Variants in PFKFB3 observed in about 807,000 individuals in gnomAD.
PFKFB3 encodes 6-phosphofructo-2-kinase/fructose-2,6-bisphosphatase 3.
PFKFB3 carries 33 observed loss-of-function variants against 68.0 expected under a neutral mutation model. The observed-to-expected ratio is 0.49, with a 90% confidence interval of 0.37 to 0.65. The LOEUF (loss-of-function observed/expected upper bound fraction) is 0.65, where lower values mean the gene tolerates loss of function less well. Ranked by LOEUF, PFKFB3 falls within the 30% of genes least tolerant of loss-of-function variation. The pLI is 0.00. For missense variants in PFKFB3, 586 were observed against 712.2 expected (o/e 0.82, Z 2.02); for synonymous variants, 315 against 288.2 (o/e 1.09, Z -0.94).
intron 1 of PFKFB3, among the ~76,000 whole-genome samples, chr10:6,170,039 T>C (rs1020285744): frequency 1.3e-5 from 2 of 152,314 alleles, no homozygotes; most frequent in East Asian, 1.9e-4. Context: ...TTGCATTGAA[T>C]TTCTGGGACT....
At chr10:6,157,439 G>A (rs1168972453) in intron 1 of PFKFB3, among the ~76,000 whole-genome samples, 2 of 152,152 alleles carry the variant, frequency 1.3e-5, no homozygotes, top group African/African-American at 4.8e-5. Context: ...TGTTAGCCAG[G>A]ATGGTCTCGA....
chr10:6,194,621 G>A (rs10905976), intron 1 of PFKFB3, among the ~76,000 whole-genome samples: 26,821 of 152,174 alleles, frequency 0.18, 3,076 homozygotes, highest in African/African-American at 0.32. Context: ...AGCGCCATCT[G>A]ATAATGGAGC....
At position 6,219,609 on chromosome 10, in the gene PFKFB3, C is replaced by G; in HGVS notation, c.539C>G (p.Ser180Trp). The G allele has an allele frequency of 6.2e-7, 1 of 1,613,770 alleles. No individual in the cohort carries two copies. Among genetic ancestry groups the G allele is most frequent in the Non-Finnish European group, 8.5e-7 (1 of 1,179,796 alleles). Residue 180 changes from serine (S) to tryptophan (W), a missense_variant, in exon 7 of 15, where the codon TCG becomes TGG. Physicochemically the swap from Ser to Trp is radical, Grantham distance 177. Coordinates refer to ENST00000379775, the MANE Select transcript of PFKFB3 (RefSeq NM_004566.4). ...ISSPDYKDCN[S>W]AEAMDDFMKR... ...AGCCCGGATTACAAAGACTGCAACTCGGCAGAAGCCATGGACGACTTCATG... is the reference window on the plus strand; with the variant it reads ...AGCCCGGATTACAAAGACTGCAACTGGGCAGAAGCCATGGACGACTTCATG...
the PFKFB3 span, among the ~76,000 whole-genome samples, chr10:6,299,317 C>T: frequency 6.6e-6 from 1 of 152,152 alleles, no homozygotes; most frequent in Non-Finnish European, 1.5e-5. Context: ...GGATTCTTCC[C>T]CAGGCACCTA....
At chr10:6,190,635 C>G (rs895704999) in intron 1 of PFKFB3, among the ~76,000 whole-genome samples, 1 of 152,128 alleles carries the variant, frequency 6.6e-6, no homozygotes, top group African/African-American at 2.4e-5. Context: ...GACCCCATCC[C>G]TACAAAAAAA....
At chr10:6,172,755 G>A (rs910963509) in intron 1 of PFKFB3, among the ~76,000 whole-genome samples, 5 of 152,024 alleles carry the variant, frequency 3.3e-5, no homozygotes, top group East Asian at 1.9e-4. Context: ...CCAGTAGGTC[G>A]AGGCTGCAGT....
chr10:6,311,556 C>T, the PFKFB3 span, among the ~76,000 whole-genome samples: 3 of 152,054 alleles, frequency 2.0e-5, no homozygotes, highest in South Asian at 2.1e-4. Flanking sequence ...CGAGACCAGC[C>T]TGGCCAACAT....
intron 14 of PFKFB3, among the ~76,000 whole-genome samples, chr10:6,249,777 T>C (rs1846337565): frequency 6.6e-6 from 1 of 151,986 alleles, no homozygotes; most frequent in South Asian, 2.1e-4. Context: ...TTGTACAGCA[T>C]GGTGACTATA....
At chr10:6,285,175 A>G in the PFKFB3 span, among the ~76,000 whole-genome samples, 5,375 of 151,976 alleles carry the variant, frequency 0.035, 285 homozygotes, top group African/African-American at 0.12. Flanking sequence ...ATTCCACAGC[A>G]GCAGTACCAT....
At chr10:6,321,167 T>A in the PFKFB3 span, among the ~76,000 whole-genome samples, 1,163 of 152,246 alleles carry the variant, frequency 7.6e-3, 10 homozygotes, top group African/African-American at 0.026. Flanking sequence ...TTCCTTCTTC[T>A]CATTTCCCAG....
At chr10:6,175,281 C>T (rs191110581) in intron 1 of PFKFB3, among the ~76,000 whole-genome samples, 266 of 152,322 alleles carry the variant, frequency 1.7e-3, no homozygotes, top group African/African-American at 6.0e-3. Context: ...AGTCTTGCTC[C>T]GTCCCCTCTC....
intron 1 of PFKFB3, among the ~76,000 whole-genome samples, chr10:6,187,963 CTA>C (rs1194430028): frequency 1.5e-5 from 2 of 133,814 alleles, no homozygotes; most frequent in Admixed American, 8.6e-5. Flanking sequence ...ATCTATCTAT[CTA>C]TCTATCTATC....
At chr10:6,237,060 A>G (rs1398733567), downstream of PFKFB3, among the ~76,000 whole-genome samples, 1 of 152,084 alleles carries the variant, frequency 6.6e-6, no homozygotes, top group Non-Finnish European at 1.5e-5. Flanking sequence ...GAACTTGCCA[A>G]CGTGCACCCA....
At chr10:6,213,487 C>A in intron 1 of PFKFB3, 136 bp from the exon 2 acceptor site, 1 of 1,006,776 alleles carries the variant, frequency 9.9e-7, no homozygotes, top group Non-Finnish European at 1.5e-6. Context: ...ACCGTGCTCC[C>A]GCCTGGGCAA....
At position 6,150,184 on chromosome 10, in the gene PFKFB3, T is replaced by A. The variant is rs182091321; in HGVS notation, c.16+5171T>A. 9.8e-4 allele frequency among the ~76,000 whole-genome samples: 149 copies of A among 152,360 alleles called. 5 individuals are homozygous for A. The highest frequency in any genetic ancestry group is 8.5e-3 in the Admixed American group (130 of 15,308). On this transcript the variant is annotated intron_variant, in intron 1 of 14. Transcript: ENST00000379789. ...ACTCATTTGTTCTCAGAATGCTTTCTGCATGGTAACTTGGAGAGCTATTTG... is the reference window on the plus strand; with the variant it reads ...ACTCATTTGTTCTCAGAATGCTTTCAGCATGGTAACTTGGAGAGCTATTTG...
chr10:6,236,699 C>T (rs566287807), downstream of PFKFB3, among the ~76,000 whole-genome samples: 14 of 152,294 alleles, frequency 9.2e-5, no homozygotes, highest in African/African-American at 2.4e-4. Flanking sequence ...GTGGCGTTGA[C>T]GGAAATCTGG....
the PFKFB3 span, among the ~76,000 whole-genome samples, chr10:6,299,490 A>G: frequency 7.2e-4 from 110 of 152,198 alleles, 1 homozygote; most frequent in Non-Finnish European, 1.1e-3. Context: ...GCCGTGAGTC[A>G]CAGGCTGCGG....
At chr10:6,151,943 C>G (rs1588381462) in intron 1 of PFKFB3, among the ~76,000 whole-genome samples, 1 of 149,940 alleles carries the variant, frequency 6.7e-6, no homozygotes, top group East Asian at 2.0e-4. Flanking sequence ...GCTCCTGTTC[C>G]TGGCTTCACA....
the PFKFB3 span, chr10:6,277,737 A>G: frequency 6.8e-5 from 29 of 423,822 alleles, 1 homozygote; most frequent in East Asian, 2.4e-3. Context: ...TGCCAGCACC[A>G]CGCTTTCTGT....
Sources: allele counts gnomAD v4.1 joint callset (sites outside exome capture counted in the v4.1 genomes callset), GRCh38; gene constraint gnomAD v4.1.1; transcripts MANE v1.5; gene names NCBI Gene and HGNC (gene_info 2026-07-23, HGNC 2026-07-21).